DIAPH2: variants seen among roughly 807,000 people sequenced by gnomAD.
The protein encoded by DIAPH2 is protein diaphanous homolog 2.
DIAPH2 carries 35 observed loss-of-function variants against 92.7 expected under a neutral mutation model. The ratio of observed to expected loss-of-function variants is 0.38; its 90% CI spans 0.29 to 0.50. The LOEUF (loss-of-function observed/expected upper bound fraction) is 0.50, where lower values mean the gene tolerates loss of function less well. DIAPH2 is among the 20% of genes least tolerant of loss of function. DIAPH2 has a pLI of 0.94. For synonymous variants in DIAPH2, 301 were observed against 280.4 expected (o/e 1.07, Z -0.73); for missense variants, 701 against 819.5 (o/e 0.86, Z 1.77).
intron 17 of DIAPH2, among the ~76,000 whole-genome samples, chrX:97,051,544 C>T (rs1310490822): frequency 9.4e-6 from 1 of 106,111 alleles, no homozygotes; most frequent in Non-Finnish European, 1.9e-5. Flanking sequence ...TGGCCACTCA[C>T]CTCAAGCAAT....
chrX:97,325,543 GTTATT>G (rs58975226), intron 23 of DIAPH2, among the ~76,000 whole-genome samples: 25,129 of 94,829 alleles, frequency 0.26, 3,643 homozygotes, highest in East Asian at 0.53. Flanking sequence ...TCATCTTAAT[GTTATT>G]TTATTTTATT....
At chrX:97,278,315 G>C (rs1199543534) in intron 23 of DIAPH2, among the ~76,000 whole-genome samples, 8 of 111,408 alleles carry the variant, frequency 7.2e-5, no homozygotes, top group Non-Finnish European at 1.1e-4. Flanking sequence ...TGTTGCAGTT[G>C]ATGAACAAAT....
chrX:97,005,284 G>T (rs1160661599), intron 17 of DIAPH2, among the ~76,000 whole-genome samples: 1 of 107,653 alleles, frequency 9.3e-6, no homozygotes, highest in Non-Finnish European at 1.9e-5. Context: ...GTCTAGTTTT[G>T]GTAATATTGG....
At chrX:97,140,421 G>A (rs762359021) in intron 21 of DIAPH2, among the ~76,000 whole-genome samples, 2 of 111,270 alleles carry the variant, frequency 1.8e-5, no homozygotes, top group East Asian at 5.6e-4. Context: ...CTACCTTAAA[G>A]TACTTAAAAG....
At chrX:96,797,439 C>G (rs778141440) in intron 4 of DIAPH2, among the ~76,000 whole-genome samples, 1 of 111,881 alleles carries the variant, frequency 8.9e-6, no homozygotes, top group Admixed American at 9.4e-5. Context: ...AGAGATCATG[C>G]CACTGCATTC....
intron 26 of DIAPH2, among the ~76,000 whole-genome samples, chrX:97,572,303 A>G (rs1036248126): frequency 9.0e-6 from 1 of 111,541 alleles, no homozygotes; most frequent in African/African-American, 3.3e-5. Context: ...CAGACAAGTA[A>G]TATTTTAATG....
chrX:97,347,149 C>T (rs900664024), intron 23 of DIAPH2, among the ~76,000 whole-genome samples: 4 of 95,838 alleles, frequency 4.2e-5, no homozygotes, highest in African/African-American at 1.6e-4. Flanking sequence ...AGTGCAGTGG[C>T]GCAATCTTGG....
intron 26 of DIAPH2, among the ~76,000 whole-genome samples, chrX:97,543,004 G>A (rs903342293): frequency 1.8e-5 from 2 of 112,031 alleles, no homozygotes; most frequent in African/African-American, 6.5e-5. Context: ...TGTTGTTGTA[G>A]AACAAACTAC....
chrX:97,191,751 A>C (rs2067655567), intron 22 of DIAPH2, among the ~76,000 whole-genome samples: 1 of 111,858 alleles, frequency 8.9e-6, no homozygotes, highest in Admixed American at 9.5e-5. Context: ...TGATTTCCAT[A>C]ATATCGTCAG....
chrX:96,893,323 G>A (rs923654244), intron 5 of DIAPH2, among the ~76,000 whole-genome samples: 1 of 111,106 alleles, frequency 9.0e-6, no homozygotes, highest in Non-Finnish European at 1.9e-5. Context: ...GGAGTGGAGA[G>A]GGGTCGGGGG....
chrX:97,401,375 G>GATTA (rs1181741239), intron 25 of DIAPH2, among the ~76,000 whole-genome samples: 1 of 110,974 alleles, frequency 9.0e-6, no homozygotes, highest in African/African-American at 3.3e-5. Context: ...TAGTCTGATT[G>GATTA]ATTAGTCTCA....
chrX:96,939,111 C>A (rs1184958591), intron 11 of DIAPH2, among the ~76,000 whole-genome samples, 155 bp from the exon 12 acceptor site: 2 of 111,172 alleles, frequency 1.8e-5, no homozygotes, highest in Admixed American at 1.9e-4. Context: ...AGAATCATTA[C>A]TTTATGCAGA....
Position 97,488,377 on chromosome X carries a change from C to T in DIAPH2, c.3241+58632C>T, listed in dbSNP as rs147535256. On this transcript the variant is annotated intron_variant, in intron 26 of 26. Coordinates refer to ENST00000324765, the MANE Select transcript of DIAPH2 (RefSeq NM_006729.5). ...AGTTAGCCCTTTATCAGATATGCAG[C>T]TAGCAAATATTTTCTCTCATTTTTG... is the stretch of plus-strand genomic sequence containing the variant. 4.8e-3 allele frequency among the ~76,000 whole-genome samples: 540 copies of T among 112,249 alleles called. 2 individuals carry two copies. The highest frequency in any genetic ancestry group is 9.2e-3 in the Middle Eastern group (2 of 218).
At chrX:96,970,113 G>T (rs2065918485) in intron 17 of DIAPH2, among the ~76,000 whole-genome samples, 1 of 111,796 alleles carries the variant, frequency 8.9e-6, no homozygotes, top group Non-Finnish European at 1.9e-5. Context: ...GCTTGATTTG[G>T]TTTGCTGGTA....
At chrX:97,054,519 G>A (rs1365108731) in intron 17 of DIAPH2, among the ~76,000 whole-genome samples, 2 of 111,447 alleles carry the variant, frequency 1.8e-5, no homozygotes, top group African/African-American at 3.3e-5. Context: ...GAAGAGTTCA[G>A]GAAGGCATCT....
intron 23 of DIAPH2, among the ~76,000 whole-genome samples, chrX:97,305,838 A>AAAAAAAAAAAAAAAAAG (rs2068742439): frequency 9.3e-6 from 1 of 107,849 alleles, no homozygotes; most frequent in African/African-American, 3.4e-5. Context: ...AAAAAAAAAA[A>AAAAAAAAAAAAAAAAAG]AAAGAAAGAA....
At chrX:96,951,796 A>G (rs1172693218) in intron 15 of DIAPH2, among the ~76,000 whole-genome samples, 2 of 112,264 alleles carry the variant, frequency 1.8e-5, no homozygotes, top group African/African-American at 6.5e-5. Flanking sequence ...AGCATTTAAT[A>G]TAAATATTTG....
chrX:97,526,142 T>A (rs1292432818), intron 26 of DIAPH2, among the ~76,000 whole-genome samples: 1 of 111,275 alleles, frequency 9.0e-6, no homozygotes, highest in East Asian at 2.8e-4. Flanking sequence ...TTAGTTAGTA[T>A]CAGTGGAGTC....
chrX:97,099,791 T>C lies in DIAPH2; in HGVS notation c.2345T>C (p.Val782Ala), dbSNP rs1262322794. 6 of 1,139,556 alleles carry C rather than the reference T, an allele frequency of 5.3e-6. No homozygotes were observed. The African/African-American group carries it at 1.1e-4, about 21-fold the overall frequency. 93.9% of individuals were successfully genotyped at this position (1,139,556 alleles called of 1,213,427 possible). ...CTCTGTGAGCCTGAACAATTTGGAG[T>C]TGTGGTATGTATCCAACATGAGGGA... ...DDLCEPEQFG[V>A]VMSSVKMLQP... The change falls in exon 20 of 27, where the codon GTT becomes GCT. Residue 782 changes from valine (V) to alanine (A), a missense_variant. Physicochemically the swap from Val to Ala is moderately conservative, Grantham distance 64. Transcript: ENST00000324765.
Sources: gnomAD v4.1 joint callset for allele counts (sites outside exome capture counted in the v4.1 genomes callset) on GRCh38, gnomAD v4.1.1 for gene constraint, MANE v1.5 for transcripts, NCBI Gene and HGNC (gene_info 2026-07-23, HGNC 2026-07-21) for gene names.